AFF4: variants seen among roughly 807,000 people sequenced by gnomAD.
AFF4 encodes AF4/FMR2 family member 4.
Under a neutral mutation model 124.8 loss-of-function variants are expected in AFF4, and 13 were observed. The ratio of observed to expected loss-of-function variants is 0.10; its 90% CI spans 0.07 to 0.17. The LOEUF is 0.17. AFF4 is among the 10% of genes least tolerant of loss of function. The pLI is 1.00. For synonymous variants in AFF4, 477 were observed against 496.1 expected (o/e 0.96, Z 0.51); for missense variants, 1,092 against 1,403.8 (o/e 0.78, Z 3.55).
intron 1 of AFF4, among the ~76,000 whole-genome samples, chr5:132,950,508 GC>G (rs1761817450): frequency 6.6e-6 from 1 of 152,088 alleles, no homozygotes; most frequent in African/African-American, 2.4e-5. Context: ...AGCAAGCTAG[GC>G]ATGGTGGTGG....
chr5:132,950,628 G>A (rs1023461721), intron 1 of AFF4, among the ~76,000 whole-genome samples: 10 of 151,652 alleles, frequency 6.6e-5, no homozygotes, highest in Non-Finnish European at 1.0e-4. Context: ...CAGCCCAGGC[G>A]ACGGTGCGAG....
intron 6 of AFF4, chr5:132,903,964 A>C (rs1031733365): frequency 3.8e-5 from 6 of 159,696 alleles, no homozygotes; most frequent in African/African-American, 1.4e-4. Context: ...TTAGATCATA[A>C]AAATTAGGAT....
rs1759961134 is a variant in AFF4 at position 132,880,952 on chromosome 5, CTA to C, written c.*105_*106del. On this transcript the variant is annotated 3_prime_UTR_variant, in exon 21 of 21. Transcript: ENST00000265343. The stretch of plus-strand genomic sequence containing the variant: ...AACACATGAACCAACGAGGAGAAAA[CTA>C]TTCCTCATTCTTAGTGTCGACTAGG... The C allele has an allele frequency of 7.2e-7, 1 of 1,392,996 alleles. No homozygotes were observed. The allele number at this position is 1,392,996 out of a possible 1,614,324, so 86.3% of individuals were successfully genotyped here. A position where few individuals can be genotyped will look rare whatever the true frequency, so the allele number is the denominator to read the frequency against.
intron 5 of AFF4, chr5:132,926,297 A>G (rs543090636): frequency 4.4e-5 from 19 of 433,814 alleles, no homozygotes; most frequent in South Asian, 2.9e-4. Flanking sequence ...AACTTTCACA[A>G]GGAGAATGTA....
intron 1 of AFF4, among the ~76,000 whole-genome samples, chr5:132,946,413 A>C (rs1761697750): frequency 6.6e-6 from 1 of 152,234 alleles, no homozygotes; most frequent in Non-Finnish European, 1.5e-5. Flanking sequence ...AACAACCCAA[A>C]TGTCCATCAA....
intron 20 of AFF4, among the ~76,000 whole-genome samples, chr5:132,881,634 A>T (rs1413819804): frequency 6.6e-6 from 1 of 152,134 alleles, no homozygotes; most frequent in Non-Finnish European, 1.5e-5. Flanking sequence ...ATTATATCAA[A>T]CTTTCGGCTA....
rs537353174 is a variant in AFF4, at chr5:132,906,189, A to T, written c.1051-1785T>A. The stretch of plus-strand genomic sequence containing the variant: ...TGCGAAATGGTACAGCTGCTTTGGA[A>T]ACATTCTGGCAGTTCCTCAAATAAG... On this transcript the variant is annotated intron_variant, in intron 5 of 20. Coordinates refer to ENST00000265343, the MANE Select transcript of AFF4 (RefSeq NM_014423.4). 4.6e-5 allele frequency among the ~76,000 whole-genome samples: 7 copies of T among 152,334 alleles called. No homozygotes were observed. In the South Asian group the frequency reaches 1.2e-3, roughly 27 times the overall value.
At chr5:132,918,769 C>A (rs1307035383) in intron 5 of AFF4, among the ~76,000 whole-genome samples, 1 of 152,022 alleles carries the variant, frequency 6.6e-6, no homozygotes, top group East Asian at 1.9e-4. Flanking sequence ...ACTCATGGGT[C>A]AGAAGATTCA....
rs780198519 is a variant in AFF4 at position 132,904,419 on chromosome 5, C to T, written c.1051-15G>A. On this transcript the variant is annotated splice_polypyrimidine_tract_variant and intron_variant, in intron 5 of 20. Coordinates refer to ENST00000265343, the MANE Select transcript of AFF4 (RefSeq NM_014423.4). The stretch of plus-strand genomic sequence containing the variant: ...TGCTGAGACTCCTAAGAAAAAGGAA[C>T]ATAAAATTATACAAAGTTACACTAA... 4.4e-6 allele frequency: 7 copies of T among 1,599,814 alleles called. No individual in the cohort carries two copies. The highest frequency in any genetic ancestry group is 5.1e-6 in the Non-Finnish European group (6 of 1,173,570).
chr5:132,934,638 C>T lies in AFF4; in HGVS notation c.427G>A (p.Gly143Ser), dbSNP rs111367848. 8.2e-5 allele frequency: 133 copies of T among 1,614,130 alleles called. No homozygotes were observed. In the African/African-American group the frequency reaches 1.6e-3, roughly 20 times the overall value. Residue 143 changes from glycine to serine, a missense_variant, in exon 3 of 21, where the codon GGC becomes AGC. Gly to Ser is a moderately conservative substitution (Grantham distance 56, BLOSUM62 0). Coordinates refer to ENST00000265343, the MANE Select transcript of AFF4 (RefSeq NM_014423.4). ...TGCCTCTGACCACTACTGTTAGTGCCACTACTGCTACCTGCGCTGGTCCGC... is the reference window on the plus strand; with the variant it reads ...TGCCTCTGACCACTACTGTTAGTGCTACTACTGCTACCTGCGCTGGTCCGC... ...SQRTSAGSSS[G>S]TNSSGQRHDR...
intron 13 of AFF4, among the ~76,000 whole-genome samples, chr5:132,891,009 T>A (rs751305639): frequency 1.5e-4 from 22 of 151,204 alleles, no homozygotes; most frequent in Admixed American, 9.9e-4. Flanking sequence ...AATAAATTAA[T>A]TAATAAATTA....
intron 5 of AFF4, among the ~76,000 whole-genome samples, chr5:132,921,316 C>T (rs991268452): frequency 6.6e-6 from 1 of 151,954 alleles, no homozygotes; most frequent in African/African-American, 2.4e-5. Flanking sequence ...TGAGGTACCA[C>T]TATAATACTG....
chr5:132,915,685 A>G (rs1760893326), intron 5 of AFF4, among the ~76,000 whole-genome samples: 1 of 149,412 alleles, frequency 6.7e-6, no homozygotes, highest in African/African-American at 2.5e-5. Flanking sequence ...CTCCTGCCTC[A>G]GCCTCCTGGG....
intron 2 of AFF4, among the ~76,000 whole-genome samples, chr5:132,935,867 G>A (rs1356393107): frequency 6.6e-6 from 1 of 151,436 alleles, no homozygotes; most frequent in Non-Finnish European, 1.5e-5. Context: ...TGGTGGCAAT[G>A]AGCCGAGATC....
At chr5:132,959,759 T>G (rs1360588078) in intron 1 of AFF4, among the ~76,000 whole-genome samples, 2 of 104,442 alleles carry the variant, frequency 1.9e-5, no homozygotes, top group South Asian at 3.7e-4. Flanking sequence ...GTGCTTTTCT[T>G]TTTTTTTTTT....
intron 9 of AFF4, 136 bp downstream of exon 9, chr5:132,898,963 TAATTC>T (rs1250728594): frequency 7.5e-5 from 56 of 749,090 alleles, no homozygotes; most frequent in Admixed American, 1.7e-4. Context: ...TTTAAGTGTA[TAATTC>T]AATGACTTAA....
chr5:132,931,952 A>G (rs1002160454), intron 4 of AFF4, among the ~76,000 whole-genome samples: 1 of 152,192 alleles, frequency 6.6e-6, no homozygotes, highest in Non-Finnish European at 1.5e-5. Flanking sequence ...TCAAAAAACA[A>G]ACAAACAACA....
rs1488470432 is a variant in AFF4, at chr5:132,902,444, T to C, written c.1131A>G (p.Lys377=). 1 of 1,605,390 alleles carries C rather than the reference T, an allele frequency of 6.2e-7. No individual in the cohort carries two copies. Among genetic ancestry groups the C allele is most frequent in the Non-Finnish European group, 8.5e-7 (1 of 1,172,402 alleles). The stretch of plus-strand genomic sequence containing the variant: ...AACTCATTAAGCAATAAACTTACGA[T>C]TTAGACTGGTGCCCATTTGAAGTTT... ...PSKTSNGHQS[K]SMLKDDLKLS... is the part of the protein sequence containing the mutation. The change falls in exon 7 of 21, where the codon AAA becomes AAG. Residue 377 remains lysine, a splice_region_variant and synonymous_variant. Coordinates refer to ENST00000265343, the MANE Select transcript of AFF4 (RefSeq NM_014423.4).
At chr5:132,959,575 G>A (rs1010925028) in intron 1 of AFF4, among the ~76,000 whole-genome samples, 1 of 151,890 alleles carries the variant, frequency 6.6e-6, no homozygotes, top group Non-Finnish European at 1.5e-5. Context: ...CCCCAGTATC[G>A]TTAAAACTTT....
Sources: gnomAD v4.1 joint callset for allele counts (sites outside exome capture counted in the v4.1 genomes callset) on GRCh38, gnomAD v4.1.1 for gene constraint, MANE v1.5 for transcripts, NCBI Gene and HGNC (gene_info 2026-07-23, HGNC 2026-07-21) for gene names.